DLGAP2: variants seen among roughly 807,000 people sequenced by gnomAD.
DLGAP2 encodes the protein DLG associated protein 2.
Under a neutral mutation model 100.3 loss-of-function variants are expected in DLGAP2, and 26 were observed. The ratio of observed to expected loss-of-function variants is 0.26; its 90% CI spans 0.19 to 0.36. DLGAP2 has a LOEUF of 0.36. Among genes scored for constraint, DLGAP2 ranks in the 10% least tolerant of loss-of-function variants. DLGAP2 has a pLI of 1.00. For missense variants in DLGAP2, 1,858 were observed against 1,453.2 expected (o/e 1.28, Z -4.53); for synonymous variants, 886 against 630.1 (o/e 1.41, Z -6.08).
intron 2 of DLGAP2, among the ~76,000 whole-genome samples, chr8:949,497 C>A (rs942477090): frequency 2.0e-5 from 3 of 152,006 alleles, no homozygotes; most frequent in Admixed American, 2.0e-4. Context: ...CGGGAAGATG[C>A]GAACATTCAA....
intron 2 of DLGAP2, among the ~76,000 whole-genome samples, chr8:1,180,071 C>G (rs2116699633): frequency 6.6e-6 from 1 of 152,302 alleles, no homozygotes; most frequent in East Asian, 1.9e-4. Flanking sequence ...GTTGAATGTT[C>G]ATGTTGTATC....
intron 2 of DLGAP2, among the ~76,000 whole-genome samples, chr8:1,040,593 T>C (rs941663166): frequency 2.7e-5 from 4 of 149,592 alleles, no homozygotes; most frequent in African/African-American, 9.9e-5. Flanking sequence ...GTCGGCTCAG[T>C]GTGCGTGGTC....
chr8:1,312,008 G>A (rs1187456293), intron 3 of DLGAP2, among the ~76,000 whole-genome samples: 3 of 152,204 alleles, frequency 2.0e-5, no homozygotes, highest in Non-Finnish European at 2.9e-5. Context: ...CAGAAATTCA[G>A]AAATTCAGCA....
intron 4 of DLGAP2, among the ~76,000 whole-genome samples, chr8:1,506,468 C>G (rs1035397114): frequency 2.0e-5 from 3 of 152,096 alleles, no homozygotes; most frequent in Non-Finnish European, 4.4e-5. Context: ...TCTCAATGGC[C>G]TCAGGAGTGA....
chr8:981,550 C>T (rs545162718), intron 2 of DLGAP2, among the ~76,000 whole-genome samples: 6 of 152,062 alleles, frequency 3.9e-5, no homozygotes, highest in Non-Finnish European at 5.9e-5. Context: ...CAGCAGCGTA[C>T]GAGGGTTCCA....
intron 6 of DLGAP2, among the ~76,000 whole-genome samples, chr8:1,619,129 T>A (rs762082030): frequency 2.0e-5 from 3 of 152,104 alleles, no homozygotes; most frequent in South Asian, 4.1e-4. Context: ...GCAGAATATG[T>A]CAAGAACTCC....
chr8:1,378,080 C>G (rs1796000439), intron 3 of DLGAP2: 1 of 156,504 alleles, frequency 6.4e-6, no homozygotes, highest in African/African-American at 2.4e-5. Context: ...AGTGACCCGT[C>G]TCAAGATATC....
chr8:1,448,078 C>G (rs1383832460), intron 3 of DLGAP2, among the ~76,000 whole-genome samples: 2 of 152,106 alleles, frequency 1.3e-5, no homozygotes, highest in Non-Finnish European at 2.9e-5. Flanking sequence ...TTTTGTGTCT[C>G]TATTTCCTTC....
chr8:1,691,309 C>T (rs1410905448), intron 12 of DLGAP2, among the ~76,000 whole-genome samples: 1 of 152,114 alleles, frequency 6.6e-6, no homozygotes, highest in Non-Finnish European at 1.5e-5. Context: ...TCCCAGTACC[C>T]AAGGAGAATG....
At chr8:738,313 C>G (rs1267166916) in intron 1 of DLGAP2, among the ~76,000 whole-genome samples, 2 of 150,626 alleles carry the variant, frequency 1.3e-5, no homozygotes, top group Admixed American at 6.6e-5. Flanking sequence ...TGAAGGGTGC[C>G]GGGCTGGGCT....
chr8:947,651 C>G (rs1407464697), intron 2 of DLGAP2, among the ~76,000 whole-genome samples: 1 of 152,192 alleles, frequency 6.6e-6, no homozygotes, highest in Non-Finnish European at 1.5e-5. Flanking sequence ...GCGGCGCTGT[C>G]TGCTCTTGGC....
intron 3 of DLGAP2, among the ~76,000 whole-genome samples, chr8:1,500,291 C>G (rs1348335783): frequency 1.3e-5 from 2 of 152,246 alleles, no homozygotes; most frequent in Non-Finnish European, 2.9e-5. Flanking sequence ...CAGAGCCTCC[C>G]TGAGATCCAG....
intron 2 of DLGAP2, among the ~76,000 whole-genome samples, chr8:1,104,442 G>C (rs1248385084): frequency 1.3e-5 from 2 of 152,230 alleles, no homozygotes; most frequent in East Asian, 3.9e-4. Context: ...TTGGTGACAA[G>C]AAGTCACGGC....
chr8:981,931 G>T (rs920460477), intron 2 of DLGAP2, among the ~76,000 whole-genome samples: 1 of 152,194 alleles, frequency 6.6e-6, no homozygotes, highest in African/African-American at 2.4e-5. Flanking sequence ...GTGCCTGCGG[G>T]TCTTCCTTGT....
At chr8:1,199,799 T>C (rs1180084265) in intron 2 of DLGAP2, among the ~76,000 whole-genome samples, 1 of 151,846 alleles carries the variant, frequency 6.6e-6, no homozygotes, top group Admixed American at 6.6e-5. Flanking sequence ...ACTTAAACGA[T>C]GATTATTTTC....
Position 1,191,326 on chromosome 8 carries a change from A to G in DLGAP2, c.74-67525A>G, listed in dbSNP as rs562704067. Among the ~76,000 whole-genome samples the G allele has an allele frequency of 2.2e-4, 34 of 151,706 alleles. No individual in the cohort carries two copies. In the East Asian group the frequency reaches 4.1e-3, roughly 18 times the overall value. On this transcript the variant is annotated intron_variant, in intron 2 of 14. Coordinates refer to ENST00000637795, the MANE Select transcript of DLGAP2 (RefSeq NM_001346810.2). ...GCTGGGACTACAGGCACCCGCCACC[A>G]CGCCCGGCTAATTTTTTGTATTTTT...
chr8:1,658,264 GC>G (rs912521178), intron 8 of DLGAP2, among the ~76,000 whole-genome samples: 1 of 152,056 alleles, frequency 6.6e-6, no homozygotes, highest in Non-Finnish European at 1.5e-5. Flanking sequence ...AGCAGGAGAT[GC>G]CATATTGAAT....
At chr8:1,310,809 C>T (rs1333953479) in intron 3 of DLGAP2, among the ~76,000 whole-genome samples, 1 of 152,102 alleles carries the variant, frequency 6.6e-6, no homozygotes, top group Admixed American at 6.5e-5. Flanking sequence ...AGGCACCCAC[C>T]ACCACACCCA....
intron 2 of DLGAP2, among the ~76,000 whole-genome samples, chr8:1,171,476 A>G (rs910036954): frequency 9.9e-5 from 15 of 151,932 alleles, no homozygotes; most frequent in African/African-American, 3.4e-4. Flanking sequence ...TAATGGTGAC[A>G]GTGGGGTATT....
Sources: gnomAD v4.1 joint callset for allele counts (sites outside exome capture counted in the v4.1 genomes callset) on GRCh38, gnomAD v4.1.1 for gene constraint, MANE v1.5 for transcripts, NCBI Gene and HGNC (gene_info 2026-07-23, HGNC 2026-07-21) for gene names.